CSMD2: variants seen among roughly 807,000 people sequenced by gnomAD.
CSMD2 encodes CUB and sushi domain-containing protein 2.
A neutral mutation model predicts 398.5 loss-of-function variants in CSMD2; 130 were observed. The observed-to-expected ratio is 0.33, with a 90% CI of 0.28 to 0.38. The LOEUF (loss-of-function observed/expected upper bound fraction) is 0.38, where lower values mean the gene tolerates loss of function less well. Among genes scored for constraint, CSMD2 ranks in the 10% least tolerant of loss-of-function variants. The pLI, the probability that CSMD2 is intolerant of heterozygous loss-of-function variation, is 1.00. For synonymous variants in CSMD2, 1,828 were observed against 1,908.5 expected, an observed-to-expected ratio of 0.96 and a Z score of 1.10; for missense variants, 3,829 against 4,764.9, an observed-to-expected ratio of 0.80 and a Z score of 5.78.
intron 25 of CSMD2, among the ~76,000 whole-genome samples, chr1:33,681,516 A>T (rs1644907804): frequency 6.6e-6 from 1 of 152,224 alleles, no homozygotes; most frequent in Non-Finnish European, 1.5e-5. Flanking sequence ...CAATATAAGT[A>T]GGGACTAGAG....
chr1:33,602,293 TAACTGACTG>T (rs1640277443), intron 43 of CSMD2, 67 bp downstream of exon 43: 41 of 1,509,838 alleles, frequency 2.7e-5, no homozygotes, highest in Non-Finnish European at 3.5e-5. Flanking sequence ...AACCAATAGG[TAACTGACTG>T]GTAACCCAGT....
At chr1:33,961,086 T>C (rs1319177516) in intron 3 of CSMD2, among the ~76,000 whole-genome samples, 2 of 152,232 alleles carry the variant, frequency 1.3e-5, no homozygotes, top group Non-Finnish European at 2.9e-5. Flanking sequence ...CCCCCTCCCC[T>C]GCCAATCCCC....
At chr1:33,839,137 C>A (rs1393921441) in intron 6 of CSMD2, 1 of 152,210 alleles carries the variant, frequency 6.6e-6, no homozygotes, top group Non-Finnish European at 1.5e-5. Context: ...ATGAATTAGA[C>A]AACAGAGATT....
Position 33,533,058 on chromosome 1 carries a change from A to C in CSMD2, c.10163T>G (p.Ile3388Ser). 6.2e-7 allele frequency: 1 copy of C among 1,610,478 alleles called. No homozygotes were observed. The highest frequency in any genetic ancestry group is 8.5e-7 in the Non-Finnish European group (1 of 1,178,414). Reference sequence around the variant, plus strand: ...CGAGCAGGCACACTCACCCAGGCAGATGGGCGGCTTGCCTGTCCAGCTGCC... The same window carrying C: ...CGAGCAGGCACACTCACCCAGGCAGCTGGGCGGCTTGCCTGTCCAGCTGCC... ...ADGSWTGKPP[I>S]CLEVRPSGRP... Residue 3388 changes from isoleucine (I) to serine (S), a missense_variant, in exon 64 of 71, where the codon ATC becomes AGC. Physicochemically the swap from Ile to Ser is moderately radical, Grantham distance 142. Transcript: ENST00000373381. The surrounding 1 kb of genome is among the most constrained non-coding windows in gnomAD (Gnocchi z 4.2).
At chr1:33,927,042 C>T (rs1003485006) in intron 4 of CSMD2, among the ~76,000 whole-genome samples, 1 of 152,192 alleles carries the variant, frequency 6.6e-6, no homozygotes, top group African/African-American at 2.4e-5. Context: ...ACCCCTCAGC[C>T]TCTGTGGAAA....
chr1:33,536,262 T>C (rs556635732), intron 62 of CSMD2, among the ~76,000 whole-genome samples: 11 of 152,300 alleles, frequency 7.2e-5, no homozygotes, highest in Admixed American at 3.9e-4. Context: ...CTCGCTCTGT[T>C]GCCCAGGCTG....
At position 33,605,298 on chromosome 1, in the gene CSMD2, G is replaced by C. The variant is rs142108225; in HGVS notation, c.6516C>G (p.Pro2172=). The change falls in exon 42 of 71, where the codon CCC becomes CCG. Residue 2172 remains proline, a synonymous_variant. Coordinates refer to ENST00000373381, the MANE Select transcript of CSMD2 (RefSeq NM_001281956.2). ...QHGTNRNWDH[P]LPKCEVPCGG... is the part of the protein sequence containing the mutation. ...GCGACATACCTTCACACTTGGGCAG[G>C]GGGTGGTCCCAGTTCCGGTTGGTGC... The C allele has an allele frequency of 1.3e-5, 21 of 1,614,132 alleles. No individual in the cohort carries two copies. The African/African-American group carries it at 2.5e-4, about 19-fold the overall frequency.
Position 33,633,293 on chromosome 1 carries a change from A to C in CSMD2, c.5200+129T>G. ...CTGCTGCGTTGTAGACAAGCACCAG[A>C]ACACGACAGGCACGCAGAGCCGTAG... is the stretch of plus-strand genomic sequence containing the variant. On this transcript the variant is annotated intron_variant, in intron 32 of 70. Coordinates refer to ENST00000373381, the MANE Select transcript of CSMD2 (RefSeq NM_001281956.2). This position sits in a 1 kb window ranked among gnomAD's most constrained non-coding sequence, Gnocchi z 5.0. The C allele has an allele frequency of 1.4e-6, 1 of 706,568 alleles. No individual in the cohort carries two copies. The highest frequency in any genetic ancestry group is 4.0e-4 in the Middle Eastern group (1 of 2,522). The allele number at this position is 706,568 out of a possible 1,614,324, so 43.8% of individuals were successfully genotyped here.
upstream of CSMD2, chr1:34,165,274 C>T: frequency 8.4e-7 from 1 of 1,188,028 alleles, no homozygotes. Context: ...GCTGCGCTCT[C>T]GGAAATGACT....
Position 33,559,011 on chromosome 1 carries a change from G to A in CSMD2, c.8554+289C>T, listed in dbSNP as rs1658302492. ...AATAAACCTCTGTTAAAAAATAACG[G>A]GGCTTTATAAGATAATGATACATTA... On this transcript the variant is annotated intron_variant, in intron 54 of 70. Coordinates refer to ENST00000373381, the MANE Select transcript of CSMD2 (RefSeq NM_001281956.2). This position sits in a 1 kb window ranked among gnomAD's most constrained non-coding sequence, Gnocchi z 4.0. Among the ~76,000 whole-genome samples the A allele has an allele frequency of 6.6e-6, 1 of 152,040 alleles. No homozygotes were observed. Among genetic ancestry groups the A allele is most frequent in the African/African-American group, 2.4e-5 (1 of 41,370 alleles).
At position 33,577,443 on chromosome 1, in the gene CSMD2, T is replaced by C. The variant is rs2148713885; in HGVS notation, c.7429A>G (p.Ile2477Val). 1 of 1,613,596 alleles carries C rather than the reference T, an allele frequency of 6.2e-7. No homozygotes were observed. The highest frequency in any genetic ancestry group is 1.1e-5 in the South Asian group (1 of 91,008). ...GGCTGGGTGCTGGTCTGGCCTAGGA[T>C]GAAGCCATGGAGTGGAGCCCTGGGC... ...SLPRAPLHGF[I>V]LGQTSTQPGG... The change falls in exon 49 of 71, where the codon ATC (isoleucine) becomes GTC (valine). Residue 2477 changes from isoleucine (I) to valine (V), a missense_variant. Physicochemically the swap from Ile to Val is conservative, Grantham distance 29. Around this residue, in one of 5 missense-constraint regions of CSMD2, gnomAD observed 723 missense variants for 758.6 expected, o/e 0.95. Coordinates refer to ENST00000373381, the MANE Select transcript of CSMD2 (RefSeq NM_001281956.2).
intron 6 of CSMD2, among the ~76,000 whole-genome samples, chr1:33,840,743 C>T (rs1250921853): frequency 6.6e-6 from 1 of 152,210 alleles, no homozygotes; most frequent in Non-Finnish European, 1.5e-5. Context: ...AACTCACGAG[C>T]TCAGTTTTGT....
At chr1:33,892,682 T>C (rs1199893717) in intron 5 of CSMD2, among the ~76,000 whole-genome samples, 1 of 152,238 alleles carries the variant, frequency 6.6e-6, no homozygotes, top group Non-Finnish European at 1.5e-5. Context: ...TAGTATTCCA[T>C]GGGGTACATA....
At chr1:33,825,542 G>A (rs1446895599) in intron 7 of CSMD2, among the ~76,000 whole-genome samples, 155 bp downstream of exon 7, 20 of 152,380 alleles carry the variant, frequency 1.3e-4, no homozygotes, top group East Asian at 9.7e-4. Context: ...CTCTCTGGCC[G>A]TTGGGTCAGT....
intron 3 of CSMD2, among the ~76,000 whole-genome samples, chr1:34,027,382 G>A (rs1427472115): frequency 6.6e-6 from 1 of 152,218 alleles, no homozygotes; most frequent in African/African-American, 2.4e-5. Flanking sequence ...CTGGCAAGGT[G>A]GGAGGAATGG....
At chr1:33,577,524 G>C in intron 48 of CSMD2, 40 bp from the exon 49 acceptor site, 1 of 1,561,094 alleles carries the variant, frequency 6.4e-7, no homozygotes, top group Non-Finnish European at 8.7e-7. Flanking sequence ...GGCACCAGCA[G>C]GAAGACAGAC....
chr1:33,616,888 A>G lies in CSMD2; in HGVS notation c.6016+18T>C. 1.9e-6 allele frequency: 3 copies of G among 1,607,802 alleles called. No homozygotes were observed. Among genetic ancestry groups the G allele is most frequent in the Non-Finnish European group, 2.6e-6 (3 of 1,174,354 alleles). On this transcript the variant is annotated intron_variant, in intron 39 of 70. Transcript: ENST00000373381. Reference sequence around the variant, plus strand: ...AGAAAATTGGTTGGAATGAATTGTAAAGTCTGGGCTGTCTTACCAATACAG... The same window carrying G: ...AGAAAATTGGTTGGAATGAATTGTAGAGTCTGGGCTGTCTTACCAATACAG...
intron 25 of CSMD2, 145 bp from the exon 26 acceptor site, chr1:33,663,237 C>T: frequency 1.6e-6 from 1 of 642,892 alleles, no homozygotes; most frequent in Non-Finnish European, 2.7e-6. Flanking sequence ...GGAGAGAAGG[C>T]AGCGTCTGGC....
chr1:33,530,570 G>T (rs1655146036), intron 64 of CSMD2, among the ~76,000 whole-genome samples: 1 of 152,140 alleles, frequency 6.6e-6, no homozygotes, highest in Non-Finnish European at 1.5e-5. Context: ...ACTACCATAT[G>T]ATACAGCAAT....
Sources: gnomAD v4.1 joint callset for allele counts (sites outside exome capture counted in the v4.1 genomes callset) on GRCh38, gnomAD v4.1.1 for gene constraint, gnomAD v4.1.1 regional missense constraint, Gnocchi (gnomAD v3.1) non-coding constraint, MANE v1.5 for transcripts, NCBI Gene and HGNC (gene_info 2026-07-23, HGNC 2026-07-21) for gene names.